Variants in DLGAP2 observed in about 807,000 individuals in gnomAD.
DLGAP2 encodes DLG associated protein 2.
In DLGAP2, 26 loss-of-function variants were observed where a neutral mutation model predicts 100.3. That is an observed-to-expected ratio of 0.26 (90% CI 0.19 to 0.36). The LOEUF is 0.36. Among genes scored for constraint, DLGAP2 ranks in the 10% least tolerant of loss-of-function variants. The probability of loss-of-function intolerance (pLI) is 1.00; values close to 1 mark genes in which losing one functional copy is unlikely to be tolerated. For synonymous variants in DLGAP2, 886 were observed against 630.1 expected, an observed-to-expected ratio of 1.41 and a Z score of -6.08; for missense variants, 1,858 against 1,453.2, an observed-to-expected ratio of 1.28 and a Z score of -4.53.
chr8:1,304,872 C>G (rs1224347618), intron 3 of DLGAP2, among the ~76,000 whole-genome samples: 2 of 152,224 alleles, frequency 1.3e-5, no homozygotes, highest in African/African-American at 4.8e-5. Context: ...AAGGCACAGT[C>G]TGTGTTCACT....
chr8:804,504 C>T (rs1223156369), intron 1 of DLGAP2, among the ~76,000 whole-genome samples: 1 of 152,148 alleles, frequency 6.6e-6, no homozygotes, highest in Non-Finnish European at 1.5e-5. Flanking sequence ...CGTGTGTTAT[C>T]AGGTGACGAG....
chr8:1,135,234 A>AAT (rs113253146), intron 2 of DLGAP2, among the ~76,000 whole-genome samples: 10 of 152,136 alleles, frequency 6.6e-5, no homozygotes, highest in Admixed American at 6.5e-5. Flanking sequence ...CTTTTTAACA[A>AAT]ATACATGTCA....
chr8:1,701,109 G>T (rs1720950258), intron 14 of DLGAP2, 79 bp from the exon 15 acceptor site: 6 of 1,357,924 alleles, frequency 4.4e-6, no homozygotes, highest in Non-Finnish European at 6.0e-6. Context: ...GTCAGGCCAG[G>T]CCCCAGGGCC....
intron 1 of DLGAP2, among the ~76,000 whole-genome samples, chr8:883,628 C>T (rs1193227778): frequency 2.6e-5 from 4 of 151,676 alleles, no homozygotes; most frequent in South Asian, 4.2e-4. Context: ...CGGTTCGTTA[C>T]GTAGGAGCGC....
chr8:805,775 C>T lies in DLGAP2; in HGVS notation c.18+67950C>T, dbSNP rs145797483. 2.0e-4 allele frequency among the ~76,000 whole-genome samples: 30 copies of T among 152,306 alleles called. No individual in the cohort carries two copies. In the East Asian group the frequency reaches 5.2e-3, roughly 27 times the overall value. ...CCAAGCAGTCCGCCGGCCTTGGCCT[C>T]GGCCTCCCAAAGCGCAGGGATTACA... On this transcript the variant is annotated intron_variant, in intron 1 of 14. Transcript: ENST00000637795.
chr8:1,271,575 A>G (rs913176380), intron 3 of DLGAP2, among the ~76,000 whole-genome samples: 13 of 152,194 alleles, frequency 8.5e-5, no homozygotes, highest in African/African-American at 3.1e-4. Flanking sequence ...CAGTAGTTGC[A>G]ATAAAGAGTT....
chr8:1,411,137 A>T, intron 3 of DLGAP2, among the ~76,000 whole-genome samples: 1 of 152,148 alleles, frequency 6.6e-6, no homozygotes, highest in East Asian at 1.9e-4. Context: ...TGGAAACCCA[A>T]CATCTCCTAA....
chr8:783,278 G>T (rs969552567), intron 1 of DLGAP2, among the ~76,000 whole-genome samples: 3 of 152,172 alleles, frequency 2.0e-5, no homozygotes, highest in African/African-American at 7.2e-5. Flanking sequence ...CCTGCACTCT[G>T]TTCCCTTGGA....
chr8:1,538,608 C>T (rs537163738), intron 4 of DLGAP2, among the ~76,000 whole-genome samples: 1 of 152,144 alleles, frequency 6.6e-6, no homozygotes, highest in African/African-American at 2.4e-5. Context: ...GTCTCCGTCC[C>T]TCCTCCCCCG....
chr8:1,304,559 T>G (rs181687853), intron 3 of DLGAP2, among the ~76,000 whole-genome samples: 23 of 152,292 alleles, frequency 1.5e-4, no homozygotes, highest in African/African-American at 4.8e-4. Context: ...CCAACTTTGT[T>G]TTAAAAGAAG....
intron 4 of DLGAP2, among the ~76,000 whole-genome samples, chr8:1,519,290 A>T (rs1481933021): frequency 1.4e-5 from 2 of 141,024 alleles, no homozygotes; most frequent in South Asian, 5.1e-4. Context: ...AAAAGCATAG[A>T]ACCCTTGTCT....
chr8:1,689,910 G>C (rs1425793559), intron 12 of DLGAP2, among the ~76,000 whole-genome samples: 1 of 152,202 alleles, frequency 6.6e-6, no homozygotes, highest in Non-Finnish European at 1.5e-5. Context: ...TGTTGCTCTG[G>C]CAAATAATAT....
chr8:1,223,277 C>T (rs887579725), intron 2 of DLGAP2, among the ~76,000 whole-genome samples: 3 of 152,256 alleles, frequency 2.0e-5, no homozygotes, highest in African/African-American at 7.2e-5. Context: ...CTTTGAAAGC[C>T]TTTTTTCCAA....
intron 2 of DLGAP2, among the ~76,000 whole-genome samples, chr8:1,156,717 G>A (rs1352310429): frequency 2.0e-5 from 3 of 151,186 alleles, no homozygotes; most frequent in Admixed American, 6.6e-5. Context: ...TCAGCGACCC[G>A]GCTCAGCACC....
chr8:1,273,120 T>C (rs1167163717), intron 3 of DLGAP2, among the ~76,000 whole-genome samples: 3 of 152,140 alleles, frequency 2.0e-5, no homozygotes, highest in Non-Finnish European at 4.4e-5. Flanking sequence ...AATGAGTAAA[T>C]AGTAGCTGTG....
At chr8:935,696 C>T (rs1584903430) in intron 2 of DLGAP2, among the ~76,000 whole-genome samples, 1 of 152,008 alleles carries the variant, frequency 6.6e-6, no homozygotes, top group Non-Finnish European at 1.5e-5. Flanking sequence ...GTTTCCTTCA[C>T]AAGATCTCTA....
intron 1 of DLGAP2, among the ~76,000 whole-genome samples, chr8:740,601 T>G (rs1449807302): frequency 6.6e-6 from 1 of 152,220 alleles, no homozygotes; most frequent in Non-Finnish European, 1.5e-5. Flanking sequence ...TAAATTACAT[T>G]GGATTCTGTG....
chr8:1,614,493 A>G (rs1797085207), intron 6 of DLGAP2, among the ~76,000 whole-genome samples: 1 of 152,128 alleles, frequency 6.6e-6, no homozygotes, highest in Non-Finnish European at 1.5e-5. Context: ...GACGGCTTGG[A>G]CCCCGCTTTG....
intron 8 of DLGAP2, among the ~76,000 whole-genome samples, chr8:1,656,500 C>T (rs1798288801): frequency 6.6e-6 from 1 of 152,148 alleles, no homozygotes; most frequent in African/African-American, 2.4e-5. Context: ...TCAATTGTGC[C>T]ATCTCCCCTT....
Sources: allele counts gnomAD v4.1 joint callset (sites outside exome capture counted in the v4.1 genomes callset), GRCh38; gene constraint gnomAD v4.1.1; transcripts MANE v1.5; gene names NCBI Gene and HGNC (gene_info 2026-07-23, HGNC 2026-07-21).